MARCO: variants seen among roughly 807,000 people sequenced by gnomAD.
MARCO encodes macrophage receptor with collagenous structure, also known as macrophage receptor MARCO.
In MARCO, 72 loss-of-function variants were observed where a neutral mutation model predicts 70.0. That is an observed-to-expected ratio of 1.03 (90% CI 0.85 to 1.25). The LOEUF (loss-of-function observed/expected upper bound fraction) is 1.25, where lower values mean the gene tolerates loss of function less well. Ranked by LOEUF, MARCO falls within the 50% of genes most tolerant of loss-of-function variation. MARCO has a pLI of 0.00. For missense variants in MARCO, 696 were observed against 659.3 expected, an observed-to-expected ratio of 1.06 and a Z score of -0.61; for synonymous variants, 273 against 243.1, an observed-to-expected ratio of 1.12 and a Z score of -1.14.
intron 12 of MARCO, among the ~76,000 whole-genome samples, chr2:118,984,705 A>T (rs1285856069): frequency 2.6e-5 from 4 of 152,134 alleles, no homozygotes; most frequent in Non-Finnish European, 5.9e-5. Context: ...ACTTCCGGAG[A>T]GATTAGATTT....
At chr2:118,974,835 T>C (rs1680250327) in intron 6 of MARCO, among the ~76,000 whole-genome samples, 3 of 151,866 alleles carry the variant, frequency 2.0e-5, no homozygotes, top group Admixed American at 6.6e-5. Flanking sequence ...TCCTACCCCC[T>C]CCTCTGTGTG....
rs200889645 is a variant in MARCO, at chr2:118,977,855, G to A, written c.686G>A (p.Gly229Asp). Residue 229 changes from glycine (G) to aspartate (D), a missense_variant, in exon 8 of 17, where the codon GGC becomes GAC. Around this residue, in one of 3 missense-constraint regions of MARCO, gnomAD observed 605 missense variants for 537.6 expected, o/e 1.13. Coordinates refer to ENST00000327097, the MANE Select transcript of MARCO (RefSeq NM_006770.4). ...TGTPGPQGEK[G>D]SKGDGGLIGP... ...ACCCCAGGACCCCAAGGAGAGAAGG[G>A]CAGCAAAGGCGATGGGGGTCTCATT... 9.3e-6 allele frequency: 15 copies of A among 1,612,958 alleles called. No homozygotes were observed. The highest frequency in any genetic ancestry group is 1.3e-5 in the Non-Finnish European group (15 of 1,179,664).
At chr2:118,972,819 A>G (rs1273803872) in intron 4 of MARCO, among the ~76,000 whole-genome samples, 1 of 152,212 alleles carries the variant, frequency 6.6e-6, no homozygotes, top group African/African-American at 2.4e-5. Context: ...TTTTGCTGAC[A>G]GAATCAATGC....
chr2:118,955,833 AT>A (rs1376036355), intron 1 of MARCO, among the ~76,000 whole-genome samples: 1 of 152,214 alleles, frequency 6.6e-6, no homozygotes, highest in Non-Finnish European at 1.5e-5. Flanking sequence ...TCAGCCAAGA[AT>A]TTTGTATCCA....
At chr2:118,977,205 G>A (rs1680299183) in intron 6 of MARCO, among the ~76,000 whole-genome samples, 1 of 149,638 alleles carries the variant, frequency 6.7e-6, no homozygotes, top group Non-Finnish European at 1.5e-5. Context: ...GAACTTTTGA[G>A]GGACACTTTC....
At chr2:118,975,741 C>T (rs1391610156) in intron 6 of MARCO, among the ~76,000 whole-genome samples, 2 of 152,126 alleles carry the variant, frequency 1.3e-5, no homozygotes, top group Non-Finnish European at 2.9e-5. Context: ...CATGCACTCA[C>T]ATACACACAT....
At chr2:118,967,549 G>T (rs1318917239) in intron 1 of MARCO, among the ~76,000 whole-genome samples, 1 of 152,068 alleles carries the variant, frequency 6.6e-6, no homozygotes, top group Non-Finnish European at 1.5e-5. Context: ...GGGGGGTAGG[G>T]TGCAGAGGAG....
chr2:118,990,461 C>T (rs1185875131), intron 12 of MARCO, 128 bp from the exon 13 acceptor site: 4 of 860,798 alleles, frequency 4.6e-6, no homozygotes, highest in Non-Finnish European at 7.5e-6. Flanking sequence ...TTTAAACAAT[C>T]GTGGAGAACC....
intron 15 of MARCO, 190 bp from the exon 16 acceptor site, chr2:118,992,934 A>C: frequency 1.7e-6 from 1 of 580,688 alleles, no homozygotes; most frequent in Non-Finnish European, 3.0e-6. Context: ...TGCAGGCCCC[A>C]GGTGCATGGA....
chr2:118,992,297 T>C (rs1238105856), intron 14 of MARCO, 135 bp from the exon 15 acceptor site: 2 of 679,048 alleles, frequency 2.9e-6, no homozygotes, highest in Non-Finnish European at 5.3e-6. Flanking sequence ...ATCCCCATAA[T>C]GCCAGGCCAC....
At chr2:118,991,375 A>T (rs1470287774) in intron 13 of MARCO, among the ~76,000 whole-genome samples, 1 of 150,986 alleles carries the variant, frequency 6.6e-6, no homozygotes, top group African/African-American at 2.4e-5. Flanking sequence ...TGATCCTCCC[A>T]CCTTCGTCTC....
At chr2:118,967,993 G>A (rs1680088352) in intron 1 of MARCO, among the ~76,000 whole-genome samples, 1 of 152,164 alleles carries the variant, frequency 6.6e-6, no homozygotes, top group East Asian at 1.9e-4. Flanking sequence ...GGGGTCATAT[G>A]CCTGCTGTGT....
intron 1 of MARCO, among the ~76,000 whole-genome samples, chr2:118,957,230 G>A (rs978044532): frequency 1.3e-5 from 2 of 151,936 alleles, no homozygotes; most frequent in Admixed American, 1.3e-4. Context: ...AAAATTGATA[G>A]ACCGTTAACA....
Position 118,986,697 on chromosome 2 carries a change from GAAAGAAAGAAAGAAAGAA to G in MARCO, c.1064-3890_1064-3873del, listed in dbSNP as rs1558671913. On this transcript the variant is annotated intron_variant, in intron 12 of 16. Coordinates refer to ENST00000327097, the MANE Select transcript of MARCO (RefSeq NM_006770.4). ...GGAAAGAAAGAAAGAAAGAAAGAAA[GAAAGAAAGAAAGAAAGAA>G]AGAAAGAAAAGAAAGAAAGAAAGAG... Among the ~76,000 whole-genome samples the G allele has an allele frequency of 6.8e-5, 5 of 73,828 alleles. 1 individual carries two copies. The highest frequency in any genetic ancestry group is 1.1e-4 in the Non-Finnish European group (4 of 36,762). 48.4% of individuals were successfully genotyped at this position (73,828 alleles called of 152,430 possible). A position where few individuals can be genotyped will look rare whatever the true frequency, so the allele number is the denominator to read the frequency against.
At chr2:118,977,345 A>G in intron 6 of MARCO, 126 bp from the exon 7 acceptor site, 1 of 729,598 alleles carries the variant, frequency 1.4e-6, no homozygotes, top group Non-Finnish European at 2.4e-6. Flanking sequence ...AGTGAGAGTG[A>G]GAGAGAGAGA....
rs765977561 is a variant in MARCO at position 118,970,189 on chromosome 2, C to T, written c.275C>T (p.Pro92Leu). The part of the protein sequence containing the change: ...LNDTLAAEDS[P>L]SFSLLQSAHP... The stretch of plus-strand genomic sequence containing the variant: ...GACACTCTGGCGGCTGAGGACAGCC[C>T]GTCCTTCTCCTTGCTGCAGTCAGCA... Residue 92 changes from proline (P) to leucine (L), a missense_variant, in exon 3 of 17, where the codon CCG becomes CTG. Transcript: ENST00000327097. 5.6e-6 allele frequency: 9 copies of T among 1,614,122 alleles called. No individual in the cohort carries two copies. Among genetic ancestry groups the T allele is most frequent in the Non-Finnish European group, 6.8e-6 (8 of 1,180,026 alleles).
Position 118,969,271 on chromosome 2 carries a change from G to T in MARCO, c.199+10G>T, listed in dbSNP as rs1194425740. 1 of 1,611,708 alleles carries T rather than the reference G, an allele frequency of 6.2e-7. No individual in the cohort carries two copies. The highest frequency in any genetic ancestry group is 2.2e-5 in the East Asian group (1 of 44,864). ...CTGCTGGTGGTCCAAGGTAAAGCAG[G>T]CTTGGTCCTGTGTAGTCCCTCCTGG... is the stretch of plus-strand genomic sequence containing the variant. On this transcript the variant is annotated intron_variant, in intron 2 of 16. Coordinates refer to ENST00000327097, the MANE Select transcript of MARCO (RefSeq NM_006770.4).
intron 1 of MARCO, among the ~76,000 whole-genome samples, chr2:118,966,845 A>T (rs147765028): frequency 6.6e-6 from 1 of 152,302 alleles, no homozygotes; most frequent in East Asian, 1.9e-4. Context: ...CCAATTTGCC[A>T]TCCACCACCT....
At chr2:118,961,115 A>G (rs62157406) in intron 1 of MARCO, among the ~76,000 whole-genome samples, 28,007 of 152,064 alleles carry the variant, frequency 0.18, 3,411 homozygotes, top group African/African-American at 0.33. Context: ...TAAATGTACC[A>G]CATTTTCTTT....
Sources: gnomAD v4.1 joint callset for allele counts (sites outside exome capture counted in the v4.1 genomes callset) on GRCh38, gnomAD v4.1.1 for gene constraint, gnomAD v4.1.1 regional missense constraint, MANE v1.5 for transcripts, NCBI Gene and HGNC (gene_info 2026-07-23, HGNC 2026-07-21) for gene names.